The following PIP4K2A variants were observed in gnomAD, a reference collection of about 807,000 sequenced individuals.
PIP4K2A encodes phosphatidylinositol 5-phosphate 4-kinase type-2 alpha.
Under a neutral mutation model 42.9 loss-of-function variants are expected in PIP4K2A, and 14 were observed. The ratio of observed to expected loss-of-function variants is 0.33; its 90% CI spans 0.22 to 0.51. The LOEUF is 0.51. Ranked by LOEUF, PIP4K2A falls within the 20% of genes least tolerant of loss-of-function variation. PIP4K2A has a pLI of 0.97. For synonymous variants in PIP4K2A, 192 were observed against 192.2 expected, an observed-to-expected ratio of 1.00 and a Z score of 0.01; for missense variants, 434 against 519.8, an observed-to-expected ratio of 0.83 and a Z score of 1.61.
At chr10:22,626,654 C>T (rs1838445739) in intron 1 of PIP4K2A, among the ~76,000 whole-genome samples, 1 of 152,178 alleles carries the variant, frequency 6.6e-6, no homozygotes, top group Non-Finnish European at 1.5e-5. Flanking sequence ...TGCAGAAAAT[C>T]ACTTCCCGGT....
intron 4 of PIP4K2A, among the ~76,000 whole-genome samples, chr10:22,576,459 G>A (rs1169562938): frequency 2.0e-5 from 3 of 152,184 alleles, no homozygotes; most frequent in Non-Finnish European, 4.4e-5. Flanking sequence ...GCTGCTGGAG[G>A]TCAGCCCTGA....
chr10:22,661,269 C>T (rs900348983), intron 1 of PIP4K2A, among the ~76,000 whole-genome samples: 4 of 151,660 alleles, frequency 2.6e-5, no homozygotes, highest in African/African-American at 7.3e-5. Context: ...ATGAAAGCAA[C>T]ACTTATCCTC....
intron 2 of PIP4K2A, among the ~76,000 whole-genome samples, chr10:22,608,664 GA>G (rs1226189259): frequency 1.3e-5 from 2 of 152,142 alleles, no homozygotes; most frequent in African/African-American, 4.8e-5. Flanking sequence ...TTGAGGCCAG[GA>G]GTTTGAGGCC....
At chr10:22,691,113 G>A (rs943739764) in intron 1 of PIP4K2A, among the ~76,000 whole-genome samples, 13 of 152,110 alleles carry the variant, frequency 8.5e-5, no homozygotes, top group Non-Finnish European at 1.0e-4. Context: ...AGGTTCAGAC[G>A]GTGTGTGCCA....
rs942874683 is a variant in PIP4K2A, at chr10:22,554,348, T to C, written c.679-3576A>G. On this transcript the variant is annotated intron_variant, in intron 6 of 9. Coordinates refer to ENST00000376573, the MANE Select transcript of PIP4K2A (RefSeq NM_005028.5). The stretch of plus-strand genomic sequence containing the variant: ...ACTTAATAAACTCTTGGTGTAAAAC[T>C]GCCTACAAAGATGACGTCTGCAGAG... Among the ~76,000 whole-genome samples, 5 of 152,348 alleles carry C rather than the reference T, an allele frequency of 3.3e-5. No homozygotes were observed. The South Asian group carries it at 8.3e-4, about 25-fold the overall frequency.
chr10:22,545,813 T>A (rs1026275136), intron 7 of PIP4K2A, among the ~76,000 whole-genome samples: 3 of 152,170 alleles, frequency 2.0e-5, no homozygotes, highest in African/African-American at 7.2e-5. Context: ...CAAGCAATCC[T>A]CCTGCCTCAC....
chr10:22,591,579 T>C, intron 4 of PIP4K2A, 50 bp downstream of exon 4: 1 of 1,415,758 alleles, frequency 7.1e-7, no homozygotes, highest in South Asian at 1.3e-5. Flanking sequence ...GAGAAATCGC[T>C]ACGCATGTTA....
intron 9 of PIP4K2A, among the ~76,000 whole-genome samples, chr10:22,538,976 G>C (rs1588609816): frequency 6.6e-6 from 1 of 152,322 alleles, no homozygotes. Context: ...ATCTTCATTA[G>C]TTCTACACAG....
At chr10:22,583,395 T>C (rs911047203) in intron 4 of PIP4K2A, among the ~76,000 whole-genome samples, 7 of 152,056 alleles carry the variant, frequency 4.6e-5, no homozygotes, top group African/African-American at 1.7e-4. Context: ...AGCCTATGCC[T>C]GGGGCTGGGG....
chr10:22,567,604 G>C, intron 6 of PIP4K2A: 1 of 702,808 alleles, frequency 1.4e-6, no homozygotes, highest in Non-Finnish European at 2.7e-6. Flanking sequence ...AGAGCAAGTT[G>C]CATGTGGAAT....
chr10:22,673,640 AAAAT>A (rs1312334021), intron 1 of PIP4K2A, among the ~76,000 whole-genome samples: 7 of 152,156 alleles, frequency 4.6e-5, no homozygotes, highest in African/African-American at 1.7e-4. Context: ...CTGAGGAAAA[AAAAT>A]AAAAAATAAA....
intron 1 of PIP4K2A, among the ~76,000 whole-genome samples, chr10:22,688,484 C>A (rs1423074367): frequency 6.6e-6 from 1 of 152,168 alleles, no homozygotes; most frequent in African/African-American, 2.4e-5. Flanking sequence ...ACAGGGTCTT[C>A]CTCTGTCGCC....
intron 1 of PIP4K2A, among the ~76,000 whole-genome samples, chr10:22,644,769 G>A (rs558611823): frequency 6.6e-6 from 1 of 152,210 alleles, no homozygotes; most frequent in South Asian, 2.1e-4. Context: ...TTTCCCTAGT[G>A]TGTATCTTCT....
In PIP4K2A at chr10:22,570,029, T is replaced by C. The variant is rs540320709; in HGVS notation, c.640-2140A>G. ...TCTAAGTATAATTTACTCCAAGATATGTTTACCAGATGCCTACTTGTCCGA... is the reference window on the plus strand; with the variant it reads ...TCTAAGTATAATTTACTCCAAGATACGTTTACCAGATGCCTACTTGTCCGA... On this transcript the variant is annotated intron_variant, in intron 5 of 9. Transcript: ENST00000376573. Among the ~76,000 whole-genome samples the C allele has an allele frequency of 3.3e-5, 5 of 151,972 alleles. No individual in the cohort carries two copies. In the South Asian group the frequency reaches 1.0e-3, roughly 32 times the overall value.
chr10:22,601,155 A>C (rs1243846641), intron 3 of PIP4K2A, among the ~76,000 whole-genome samples: 13 of 134,378 alleles, frequency 9.7e-5, no homozygotes, highest in East Asian at 4.2e-4. Context: ...AAAAAAAAAA[A>C]AAAAAAAACA....
intron 1 of PIP4K2A, among the ~76,000 whole-genome samples, chr10:22,713,134 A>G (rs2130935611): frequency 6.6e-6 from 1 of 152,304 alleles, no homozygotes; most frequent in African/African-American, 2.4e-5. Flanking sequence ...GGCTGAGCCA[A>G]CAGCTCCGAT....
chr10:22,543,475 G>A (rs1015255654), intron 7 of PIP4K2A, among the ~76,000 whole-genome samples: 4 of 152,324 alleles, frequency 2.6e-5, no homozygotes, highest in East Asian at 1.9e-4. Flanking sequence ...CAAACCCCTC[G>A]TGGAAACAGC....
intron 1 of PIP4K2A, among the ~76,000 whole-genome samples, chr10:22,713,296 C>T (rs1298178057): frequency 1.3e-5 from 2 of 152,214 alleles, no homozygotes; most frequent in Non-Finnish European, 2.9e-5. Context: ...GCTAACCTTT[C>T]CACGCGTTCT....
At position 22,685,284 on chromosome 10, in the gene PIP4K2A, A is replaced by G. The variant is rs144990114; in HGVS notation, c.144+28899T>C. On this transcript the variant is annotated intron_variant, in intron 1 of 9. Transcript: ENST00000376573. ...TTAAACAATGTTTTGGACATTTAGC[A>G]TCAAGTCATACTATTAATGAATCAT... 1.7e-3 allele frequency among the ~76,000 whole-genome samples: 262 copies of G among 152,346 alleles called. 1 individual carries two copies. The highest frequency in any genetic ancestry group is 6.0e-3 in the African/African-American group (250 of 41,576).
Sources: gnomAD v4.1 joint callset for allele counts (sites outside exome capture counted in the v4.1 genomes callset) on GRCh38, gnomAD v4.1.1 for gene constraint, MANE v1.5 for transcripts, NCBI Gene and HGNC (gene_info 2026-07-23, HGNC 2026-07-21) for gene names.